Variants in GPC6 observed in about 807,000 individuals in gnomAD.
GPC6 encodes the protein glypican-6.
Under a neutral mutation model 55.2 loss-of-function variants are expected in GPC6, and 14 were observed. The observed-to-expected ratio is 0.25, with a 90% CI of 0.17 to 0.40. GPC6 has a LOEUF of 0.40. Among genes scored for constraint, GPC6 ranks in the 10% least tolerant of loss-of-function variants. The pLI, the probability that GPC6 is intolerant of heterozygous loss-of-function variation, is 1.00. For synonymous variants in GPC6, 278 were observed against 259.6 expected (o/e 1.07, Z -0.68); for missense variants, 641 against 708.5 (o/e 0.90, Z 1.08).
rs199840187 is a variant in GPC6 at position 93,363,117 on chromosome 13, GT to G, written c.160+135512del. On this transcript the variant is annotated intron_variant, in intron 1 of 8. Transcript: ENST00000377047. Reference sequence around the variant, plus strand: ...CTTTTTTTTTCTTTCCTTTTTTTTTGTTTTTTTTTTTGTTTTTTTTAAAATT... The same window carrying G: ...CTTTTTTTTTCTTTCCTTTTTTTTTGTTTTTTTTTTGTTTTTTTTAAAATT... 7.0e-3 allele frequency among the ~76,000 whole-genome samples: 882 copies of G among 126,020 alleles called. 11 individuals are homozygous for G. The highest frequency in any genetic ancestry group is 0.021 in the African/African-American group (682 of 31,810). The allele number at this position is 126,020 out of a possible 152,430, so 82.7% of individuals were successfully genotyped here.
chr13:94,052,396 T>C (rs1448871185), intron 4 of GPC6, among the ~76,000 whole-genome samples: 1 of 152,050 alleles, frequency 6.6e-6, no homozygotes, highest in Non-Finnish European at 1.5e-5. Flanking sequence ...GGAAAAGGGG[T>C]GAAAATGCCT....
chr13:93,428,880 A>G (rs1877251644), intron 1 of GPC6, among the ~76,000 whole-genome samples: 1 of 152,178 alleles, frequency 6.6e-6, no homozygotes, highest in South Asian at 2.1e-4. Flanking sequence ...TTTGGAAATC[A>G]CACATTTAAT....
intron 5 of GPC6, among the ~76,000 whole-genome samples, chr13:94,291,262 A>C (rs1227869166): frequency 3.9e-5 from 6 of 152,206 alleles, no homozygotes; most frequent in Non-Finnish European, 7.3e-5. Flanking sequence ...CTCACATGAG[A>C]GGACACAGGA....
intron 3 of GPC6, among the ~76,000 whole-genome samples, chr13:93,850,738 C>A (rs771563471): frequency 5.3e-5 from 8 of 151,752 alleles, no homozygotes; most frequent in Non-Finnish European, 1.0e-4. Context: ...ATAGGAGATA[C>A]CTGGAAGGGA....
At chr13:94,307,915 CAG>C (rs1566658262) in intron 6 of GPC6, among the ~76,000 whole-genome samples, 1 of 151,930 alleles carries the variant, frequency 6.6e-6, no homozygotes, top group Non-Finnish European at 1.5e-5. Flanking sequence ...AATTTAAGAA[CAG>C]GAGTACAGTG....
chr13:94,163,747 C>T (rs1279384104), intron 4 of GPC6, among the ~76,000 whole-genome samples: 2 of 152,210 alleles, frequency 1.3e-5, no homozygotes, highest in Admixed American at 6.5e-5. Context: ...GGCAGGACTA[C>T]AGTGCAACTT....
intron 3 of GPC6, among the ~76,000 whole-genome samples, chr13:93,973,264 C>T (rs1445573342): frequency 6.6e-6 from 1 of 152,128 alleles, no homozygotes; most frequent in Non-Finnish European, 1.5e-5. Context: ...CACAGTGGTA[C>T]TTATGTATCT....
At chr13:94,090,212 C>G (rs559219543) in intron 4 of GPC6, among the ~76,000 whole-genome samples, 4 of 152,002 alleles carry the variant, frequency 2.6e-5, no homozygotes, top group Admixed American at 6.6e-5. Context: ...GGGAACTGCC[C>G]TTTATAAAAC....
intron 1 of GPC6, among the ~76,000 whole-genome samples, chr13:93,426,371 A>T (rs1169686917): frequency 6.6e-6 from 1 of 150,534 alleles, no homozygotes; most frequent in Non-Finnish European, 1.5e-5. Flanking sequence ...TATCTCCTAA[A>T]GCTATCCCTT....
At chr13:94,115,201 C>T (rs1236455435) in intron 4 of GPC6, among the ~76,000 whole-genome samples, 1 of 152,102 alleles carries the variant, frequency 6.6e-6, no homozygotes, top group Admixed American at 6.6e-5. Context: ...AGTACTTAGG[C>T]AGATAGACCT....
intron 4 of GPC6, among the ~76,000 whole-genome samples, chr13:94,094,842 A>C (rs550835999): frequency 6.6e-6 from 1 of 152,268 alleles, no homozygotes; most frequent in South Asian, 2.1e-4. Flanking sequence ...AATGCTTACT[A>C]TGTAAATTTG....
At chr13:93,694,066 C>T (rs566622543) in intron 2 of GPC6, among the ~76,000 whole-genome samples, 5 of 152,278 alleles carry the variant, frequency 3.3e-5, no homozygotes, top group Admixed American at 2.6e-4. Context: ...TATAATTATA[C>T]ATCATTTATG....
chr13:93,933,947 A>C (rs999997663), intron 3 of GPC6, among the ~76,000 whole-genome samples: 1 of 152,208 alleles, frequency 6.6e-6, no homozygotes, highest in South Asian at 2.1e-4. Flanking sequence ...AAGGGTTTTC[A>C]AGGAAATAGC....
At chr13:94,223,717 C>G (rs1294805172) in intron 4 of GPC6, among the ~76,000 whole-genome samples, 2 of 152,152 alleles carry the variant, frequency 1.3e-5, no homozygotes, top group Non-Finnish European at 2.9e-5. Context: ...CAAACTTAGG[C>G]TCAGATAGCT....
At chr13:93,817,821 G>T (rs999007700) in intron 2 of GPC6, among the ~76,000 whole-genome samples, 13 of 151,718 alleles carry the variant, frequency 8.6e-5, no homozygotes, top group African/African-American at 3.1e-4. Context: ...TGGTGCCGCT[G>T]CACTTCAGCC....
intron 4 of GPC6, among the ~76,000 whole-genome samples, chr13:94,036,186 CTT>C (rs1883326289): frequency 6.6e-6 from 1 of 151,922 alleles, no homozygotes; most frequent in African/African-American, 2.4e-5. Flanking sequence ...GGTTGTAACT[CTT>C]TAAAAATATC....
chr13:93,918,981 G>A (rs1336676721), intron 3 of GPC6, among the ~76,000 whole-genome samples: 1 of 152,192 alleles, frequency 6.6e-6, no homozygotes, highest in Non-Finnish European at 1.5e-5. Flanking sequence ...TGTGGGAGGT[G>A]GAACCTGGTG....
chr13:93,897,902 A>G (rs1157701265), intron 3 of GPC6, among the ~76,000 whole-genome samples: 1 of 152,112 alleles, frequency 6.6e-6, no homozygotes, highest in East Asian at 1.9e-4. Flanking sequence ...CACTTTCCCA[A>G]TTCCCTATAT....
At chr13:94,271,480 C>CTAA (rs1486520870) in intron 4 of GPC6, among the ~76,000 whole-genome samples, 3 of 152,050 alleles carry the variant, frequency 2.0e-5, no homozygotes, top group Admixed American at 6.5e-5. Flanking sequence ...GGCAAATTCA[C>CTAA]TAATGTTATT....
Sources: gnomAD v4.1 joint callset for allele counts (sites outside exome capture counted in the v4.1 genomes callset) on GRCh38, gnomAD v4.1.1 for gene constraint, MANE v1.5 for transcripts, NCBI Gene and HGNC (gene_info 2026-07-23, HGNC 2026-07-21) for gene names.